MRPL34: variants seen among roughly 807,000 people sequenced by gnomAD.
MRPL34 encodes the protein mitochondrial ribosomal protein L34.
Under a neutral mutation model 6.7 loss-of-function variants are expected in MRPL34, and 8 were observed. The observed-to-expected ratio is 1.20, with a 90% CI of 0.70 to 2.16. The LOEUF (loss-of-function observed/expected upper bound fraction) is 2.16. Ranked by LOEUF, MRPL34 falls within the 30% of genes most tolerant of loss-of-function variation. The pLI, the probability that MRPL34 is intolerant of heterozygous loss-of-function variation, is 0.00. For synonymous variants in MRPL34, 59 were observed against 55.1 expected (o/e 1.07, Z -0.31); for missense variants, 146 against 125.5 (o/e 1.16, Z -0.78).
At chr19:17,297,057 C>A (rs1402209938) in intron 1 of MRPL34, among the ~76,000 whole-genome samples, 2 of 152,186 alleles carry the variant, frequency 1.3e-5, no homozygotes, top group Admixed American at 6.6e-5. Context: ...GGCCTGCAAA[C>A]CTAAAATATT....
chr19:17,294,355 G>A, intron 1 of MRPL34: 1 of 1,613,528 alleles, frequency 6.2e-7, no homozygotes, highest in Non-Finnish European at 8.5e-7. Context: ...AAGCAGGACG[G>A]GCACGGTGAG....
upstream of MRPL34, among the ~76,000 whole-genome samples, chr19:17,300,225 C>T (rs564578189): frequency 6.6e-6 from 1 of 150,606 alleles, no homozygotes; most frequent in South Asian, 2.1e-4. Flanking sequence ...TTTTAAAGAG[C>T]GACAGGTTCT....
upstream of MRPL34, chr19:17,303,281 T>A (rs1253649503): frequency 6.6e-6 from 1 of 152,018 alleles, no homozygotes; most frequent in Non-Finnish European, 1.5e-5. Flanking sequence ...GGCGGAGGGG[T>A]CCCAGGCGGA....
At chr19:17,294,839 A>G in intron 1 of MRPL34, 1 of 1,613,898 alleles carries the variant, frequency 6.2e-7, no homozygotes, top group South Asian at 1.1e-5. Flanking sequence ...ATGTGCAGAA[A>G]GAGACACTGC....
chr19:17,297,053 C>A (rs2074096913), intron 1 of MRPL34, among the ~76,000 whole-genome samples: 1 of 152,176 alleles, frequency 6.6e-6, no homozygotes, highest in Non-Finnish European at 1.5e-5. Flanking sequence ...GTATGGCCTG[C>A]AAACCTAAAA....
rs768921812 is a variant in MRPL34, at chr19:17,306,272, A to G, written c.172A>G (p.Ile58Val). The stretch of plus-strand genomic sequence containing the variant: ...CGGGAATGAGTATCAGCCGAGCAAC[A>G]TCAAACGCAAGAACAAGCACGGCTG... ...ARGNEYQPSN[I>V]KRKNKHGWVR... is the part of the protein sequence containing the mutation. The change falls in exon 2 of 2, where the codon ATC becomes GTC. Residue 58 changes from isoleucine to valine, a missense_variant. By Grantham distance (29) the Ile-to-Val change is conservative (BLOSUM62 3). Transcript: ENST00000252602. 1.2e-6 allele frequency: 2 copies of G among 1,607,306 alleles called. No homozygotes were observed. The highest frequency in any genetic ancestry group is 1.1e-5 in the South Asian group (1 of 90,244).
chr19:17,298,448 C>T (rs2074102727), upstream of MRPL34: 1 of 152,104 alleles, frequency 6.6e-6, no homozygotes, highest in Non-Finnish European at 1.5e-5. Context: ...TTTGTAAATG[C>T]CTAGAATTTA....
chr19:17,300,106 G>A (rs542492541), upstream of MRPL34, among the ~76,000 whole-genome samples: 2 of 151,882 alleles, frequency 1.3e-5, no homozygotes, highest in Admixed American at 6.6e-5. Context: ...GGGTTTCACC[G>A]TGTTAGCCAG....
chr19:17,294,229 C>G, intron 1 of MRPL34: 1 of 1,561,138 alleles, frequency 6.4e-7, no homozygotes, highest in Non-Finnish European at 8.6e-7. Flanking sequence ...GAGGCCACGC[C>G]CCTCCCGGGC....
chr19:17,301,491 G>T (rs1277228909), upstream of MRPL34: 9 of 1,611,714 alleles, frequency 5.6e-6, no homozygotes, highest in Non-Finnish European at 7.6e-6. Flanking sequence ...CCCGCAGCAC[G>T]CGGCCGGGCT....
chr19:17,305,110 G>A (rs1021673757), upstream of MRPL34, among the ~76,000 whole-genome samples: 2 of 152,156 alleles, frequency 1.3e-5, no homozygotes, highest in African/African-American at 4.8e-5. Flanking sequence ...TGAAATGTAA[G>A]ATGGTGTGTG....
intron 1 of MRPL34, chr19:17,294,218 AG>A: frequency 1.3e-6 from 2 of 1,534,440 alleles, no homozygotes; most frequent in Non-Finnish European, 1.8e-6. Context: ...CGCCCCCCGC[AG>A]AGGCCACGCC....
chr19:17,304,435 A>G (rs774326735), upstream of MRPL34, among the ~76,000 whole-genome samples: 7 of 152,226 alleles, frequency 4.6e-5, no homozygotes, highest in Non-Finnish European at 7.3e-5. Flanking sequence ...CAAATGCTCC[A>G]TATATTATGG....
At chr19:17,293,676 C>T (rs1349778443) in intron 1 of MRPL34, among the ~76,000 whole-genome samples, 2 of 139,510 alleles carry the variant, frequency 1.4e-5, no homozygotes, top group East Asian at 4.0e-4. Flanking sequence ...TCCAGTTATA[C>T]TTTAATGGTT....
intron 1 of MRPL34, chr19:17,294,334 A>C (rs747053634): frequency 1.9e-6 from 3 of 1,612,182 alleles, no homozygotes; most frequent in Admixed American, 3.3e-5. Flanking sequence ...CTTATCGTGC[A>C]TGCCGTGGAC....
At chr19:17,293,576 C>A (rs993698636) in intron 1 of MRPL34, among the ~76,000 whole-genome samples, 1 of 152,090 alleles carries the variant, frequency 6.6e-6, no homozygotes, top group African/African-American at 2.4e-5. Flanking sequence ...AGTAGTACCC[C>A]CTCCCCCTCA....
chr19:17,301,360 C>A (rs755423619), upstream of MRPL34: 2 of 1,610,296 alleles, frequency 1.2e-6, no homozygotes, highest in African/African-American at 1.3e-5. Flanking sequence ...CCGCCCATTG[C>A]GGTACACGGT....
chr19:17,301,234 T>C, upstream of MRPL34: 4 of 1,593,006 alleles, frequency 2.5e-6, no homozygotes, highest in Non-Finnish European at 3.4e-6. Context: ...CAAGCGGCCA[T>C]CGCTGCCCGC....
chr19:17,301,211 C>G, upstream of MRPL34: 1 of 1,598,654 alleles, frequency 6.3e-7, no homozygotes, highest in Non-Finnish European at 8.5e-7. Flanking sequence ...CCGCTGCCTG[C>G]GCTGCCGGGG....
Sources: gnomAD v4.1 joint callset for allele counts (sites outside exome capture counted in the v4.1 genomes callset) on GRCh38, gnomAD v4.1.1 for gene constraint, MANE v1.5 for transcripts, NCBI Gene and HGNC (gene_info 2026-07-23, HGNC 2026-07-21) for gene names.